Variants in SPECC1 observed in about 807,000 individuals in gnomAD.
The protein encoded by SPECC1 is sperm antigen with calponin homology and coiled-coil domains 1, also known as cytospin-B.
SPECC1 carries 62 observed loss-of-function variants against 104.1 expected under a neutral mutation model. The ratio of observed to expected loss-of-function variants is 0.60; its 90% confidence interval spans 0.49 to 0.74. The LOEUF (loss-of-function observed/expected upper bound fraction) is 0.74, where lower values mean the gene tolerates loss of function less well. Ranked by LOEUF, SPECC1 falls within the 30% of genes least tolerant of loss-of-function variation. The pLI, the probability that SPECC1 is intolerant of heterozygous loss-of-function variation, is 0.00. For synonymous variants in SPECC1, 513 were observed against 501.6 expected, an observed-to-expected ratio of 1.02 and a Z score of -0.30; for missense variants, 1,306 against 1,310.5, an observed-to-expected ratio of 1.00 and a Z score of 0.05.
chr17:20,078,214 A>C (rs571433601), intron 1 of SPECC1, among the ~76,000 whole-genome samples: 1 of 151,050 alleles, frequency 6.6e-6, no homozygotes, highest in Admixed American at 6.6e-5. Flanking sequence ...GGAAAGAATG[A>C]CACGTTTGAG....
intron 1 of SPECC1, among the ~76,000 whole-genome samples, chr17:20,062,990 G>A (rs999511142): frequency 2.0e-5 from 3 of 151,968 alleles, no homozygotes; most frequent in Non-Finnish European, 4.4e-5. Context: ...GCCCAGCCAA[G>A]AAACGCATTC....
At chr17:20,262,255 C>T (rs1480945785) in intron 12 of SPECC1, among the ~76,000 whole-genome samples, 3 of 152,100 alleles carry the variant, frequency 2.0e-5, no homozygotes, top group South Asian at 2.1e-4. Context: ...TTATGAATAA[C>T]GCTGTTATGT....
intron 2 of SPECC1, among the ~76,000 whole-genome samples, chr17:20,109,074 C>T (rs1387514920): frequency 6.6e-6 from 1 of 152,246 alleles, no homozygotes; most frequent in Non-Finnish European, 1.5e-5. Context: ...CTCACCAACA[C>T]TTGGTATTGG....
intron 3 of SPECC1, among the ~76,000 whole-genome samples, chr17:20,195,760 A>G (rs951628521): frequency 6.6e-6 from 1 of 152,202 alleles, no homozygotes; most frequent in South Asian, 2.1e-4. Flanking sequence ...AGTTTTGCCA[A>G]TTCTTAATAA....
At chr17:20,034,672 C>A (rs182151345) in intron 1 of SPECC1, among the ~76,000 whole-genome samples, 1 of 142,188 alleles carries the variant, frequency 7.0e-6, no homozygotes, top group African/African-American at 2.7e-5. Flanking sequence ...ATGGTGTGAT[C>A]TTGGCTCACC....
At chr17:20,043,234 G>A (rs2045405728) in intron 1 of SPECC1, among the ~76,000 whole-genome samples, 1 of 152,168 alleles carries the variant, frequency 6.6e-6, no homozygotes, top group East Asian at 1.9e-4. Context: ...TAGTGTTGTG[G>A]GGCCTGGCTG....
At chr17:20,173,822 T>C (rs2034268894) in intron 3 of SPECC1, among the ~76,000 whole-genome samples, 1 of 152,244 alleles carries the variant, frequency 6.6e-6, no homozygotes, top group East Asian at 1.9e-4. Context: ...ATTTTGGGCC[T>C]GAGTTCTCCA....
At chr17:20,221,768 C>T (rs771090735) in intron 4 of SPECC1, among the ~76,000 whole-genome samples, 3 of 151,948 alleles carry the variant, frequency 2.0e-5, no homozygotes, top group Non-Finnish European at 4.4e-5. Context: ...TTGATGTAGG[C>T]GCTGATTGCT....
In SPECC1 at chr17:20,205,604, CTG is replaced by C; in HGVS notation, c.1556_1557del (p.Leu519GlnfsTer2). On this transcript the variant is annotated frameshift_variant, in exon 4 of 15. Transcript: ENST00000395527. LOFTEE classifies it high-confidence loss of function. ...IKRLKEENEK[L>X]NEFLELERHN... The stretch of plus-strand genomic sequence containing the variant: ...ACGTCTGAAGGAAGAAAATGAAAAA[CTG>C]AATGAGTTTCTAGAACTGGAACGGC... The C allele has an allele frequency of 6.2e-7, 1 of 1,614,130 alleles. No individual in the cohort carries two copies. The highest frequency in any genetic ancestry group is 1.1e-5 in the South Asian group (1 of 91,072).
chr17:20,307,483 A>G (rs777391158), intron 14 of SPECC1, among the ~76,000 whole-genome samples: 1 of 152,220 alleles, frequency 6.6e-6, no homozygotes, highest in Non-Finnish European at 1.5e-5. Flanking sequence ...CTTTCCCTTT[A>G]AAGAATGAAA....
intron 2 of SPECC1, among the ~76,000 whole-genome samples, chr17:20,100,897 T>C (rs1367673674): frequency 3.9e-5 from 6 of 152,184 alleles, no homozygotes; most frequent in Non-Finnish European, 7.3e-5. Flanking sequence ...CTCCCACTTA[T>C]GAGTGAGAAC....
intron 4 of SPECC1, among the ~76,000 whole-genome samples, chr17:20,225,635 T>C (rs2038152781): frequency 6.6e-6 from 1 of 152,174 alleles, no homozygotes; most frequent in Non-Finnish European, 1.5e-5. Flanking sequence ...TGCCAAGGGA[T>C]GAGGGAGAGG....
chr17:20,208,192 T>C (rs1169297705), intron 4 of SPECC1, among the ~76,000 whole-genome samples: 2 of 152,222 alleles, frequency 1.3e-5, no homozygotes, highest in Non-Finnish European at 2.9e-5. Flanking sequence ...ACTAGAAGTA[T>C]CAAATACTGA....
chr17:20,231,980 A>T, intron 6 of SPECC1, 149 bp downstream of exon 6: 2 of 952,378 alleles, frequency 2.1e-6, no homozygotes, highest in Non-Finnish European at 3.2e-6. Flanking sequence ...CAGGAAGTAA[A>T]ATCAAAGGAG....
At chr17:20,275,689 A>G (rs2040552970) in intron 12 of SPECC1, among the ~76,000 whole-genome samples, 1 of 152,170 alleles carries the variant, frequency 6.6e-6, no homozygotes, top group Non-Finnish European at 1.5e-5. Flanking sequence ...AGTCCTCTGA[A>G]AGGACTTGTT....
chr17:20,194,502 A>ATTATTATTATTATTTTTTTTTTTTTTT, intron 3 of SPECC1, among the ~76,000 whole-genome samples: 1 of 86,566 alleles, frequency 1.2e-5, no homozygotes, highest in East Asian at 3.9e-4. Context: ...AAGAGAACGA[A>ATTATTATTATTATTTTTTTTTTTTTTT]TTTTTTTTTT....
chr17:20,096,518 C>A, intron 1 of SPECC1, 113 bp from the exon 2 acceptor site: 1 of 1,220,026 alleles, frequency 8.2e-7, no homozygotes, highest in Non-Finnish European at 1.2e-6. Flanking sequence ...ATCATAGGTG[C>A]TCCTACTCTG....
At chr17:20,096,130 A>G (rs1039714828) in intron 1 of SPECC1, 1 of 152,342 alleles carries the variant, frequency 6.6e-6, no homozygotes, top group Non-Finnish European at 1.5e-5. Flanking sequence ...ATGCTTCATT[A>G]ATTTTTTATG....
chr17:20,055,011 G>A (rs986016412), intron 1 of SPECC1, among the ~76,000 whole-genome samples: 2 of 152,204 alleles, frequency 1.3e-5, no homozygotes. Context: ...TCTAGGTACA[G>A]TGTTGTACAG....
Sources: gnomAD v4.1 joint callset for allele counts (sites outside exome capture counted in the v4.1 genomes callset) on GRCh38, gnomAD v4.1.1 for gene constraint, MANE v1.5 for transcripts, NCBI Gene and HGNC (gene_info 2026-07-23, HGNC 2026-07-21) for gene names.